Variants in NELL1 observed in about 807,000 individuals in gnomAD.
NELL1 encodes protein kinase C-binding protein NELL1.
In NELL1, 76 loss-of-function variants were observed where a neutral mutation model predicts 107.4. The ratio of observed to expected loss-of-function variants is 0.71; its 90% CI spans 0.59 to 0.86. The LOEUF (loss-of-function observed/expected upper bound fraction) is 0.86. NELL1 is among the 40% of genes least tolerant of loss of function. NELL1 has a pLI of 0.00. For synonymous variants in NELL1, 353 were observed against 341.2 expected (o/e 1.03, Z -0.38); for missense variants, 1,024 against 1,005.5 (o/e 1.02, Z -0.25).
intron 14 of NELL1, among the ~76,000 whole-genome samples, chr11:21,235,229 T>C (rs1201430172): frequency 6.6e-6 from 1 of 152,122 alleles, no homozygotes; most frequent in African/African-American, 2.4e-5. Context: ...ATGGTTTGGC[T>C]CAATTAGGGC....
chr11:21,549,529 T>G (rs1163467840), intron 16 of NELL1, among the ~76,000 whole-genome samples: 1 of 151,842 alleles, frequency 6.6e-6, no homozygotes, highest in Non-Finnish European at 1.5e-5. Context: ...GCTGTCATAT[T>G]CCCAATTCCT....
chr11:21,539,952 G>A (rs1315965938), intron 16 of NELL1, among the ~76,000 whole-genome samples: 2 of 151,918 alleles, frequency 1.3e-5, no homozygotes, highest in African/African-American at 2.4e-5. Context: ...AAAAATGCCT[G>A]TGACGGGACA....
chr11:21,442,173 T>G (rs1192062187), intron 15 of NELL1, among the ~76,000 whole-genome samples: 1 of 152,218 alleles, frequency 6.6e-6, no homozygotes, highest in African/African-American at 2.4e-5. Context: ...TTAATGCCTA[T>G]TCATTTCTCA....
At chr11:21,114,380 A>G (rs559195798) in intron 13 of NELL1, among the ~76,000 whole-genome samples, 6 of 152,056 alleles carry the variant, frequency 3.9e-5, no homozygotes, top group Admixed American at 2.6e-4. Flanking sequence ...CTTCTCTTGG[A>G]CCAAATGTGT....
intron 15 of NELL1, among the ~76,000 whole-genome samples, chr11:21,491,872 AT>A (rs1854827644): frequency 6.6e-6 from 1 of 151,854 alleles, no homozygotes; most frequent in Non-Finnish European, 1.5e-5. Context: ...CTTTTATTTC[AT>A]TGAGCAGTGG....
chr11:20,815,733 C>T lies in NELL1; in HGVS notation c.336-31850C>T, dbSNP rs117949396. ...TTAGCCATAAATTCTTTGCCAAAGT[C>T]GATGTCCAGAATGGTATTTCCTAGA... On this transcript the variant is annotated intron_variant, in intron 3 of 19. Coordinates refer to ENST00000357134, the MANE Select transcript of NELL1 (RefSeq NM_006157.5). Among the ~76,000 whole-genome samples the T allele has an allele frequency of 7.9e-5, 12 of 152,194 alleles. No individual in the cohort carries two copies. In the East Asian group the frequency reaches 1.9e-3, roughly 24 times the overall value.
At chr11:20,783,173 G>A (rs1029365920) in intron 2 of NELL1, among the ~76,000 whole-genome samples, 1 of 152,218 alleles carries the variant, frequency 6.6e-6, no homozygotes, top group African/African-American at 2.4e-5. Flanking sequence ...TATATCCATT[G>A]TGGGGAGAAG....
At chr11:21,277,600 G>T (rs573578505) in intron 14 of NELL1, among the ~76,000 whole-genome samples, 17 of 152,308 alleles carry the variant, frequency 1.1e-4, no homozygotes, top group South Asian at 2.1e-4. Context: ...ACATGCACAT[G>T]TATGTTTATT....
At chr11:20,994,531 T>C (rs965274016) in intron 12 of NELL1, among the ~76,000 whole-genome samples, 3 of 151,878 alleles carry the variant, frequency 2.0e-5, no homozygotes, top group South Asian at 4.2e-4. Context: ...AACAAATAAA[T>C]TGCTAATGAA....
At chr11:20,956,384 C>T (rs1198153292) in intron 11 of NELL1, among the ~76,000 whole-genome samples, 3 of 151,310 alleles carry the variant, frequency 2.0e-5, no homozygotes, top group East Asian at 2.0e-4. Context: ...CGGTGGCTCA[C>T]GCCTCTAATC....
intron 14 of NELL1, among the ~76,000 whole-genome samples, chr11:21,311,328 T>C (rs926498057): frequency 1.3e-4 from 20 of 152,148 alleles, no homozygotes; most frequent in Non-Finnish European, 2.6e-4. Context: ...ATAGGTAGGT[T>C]TAATTACCTT....
chr11:21,452,580 T>C (rs1457289719), intron 15 of NELL1, among the ~76,000 whole-genome samples: 1 of 152,100 alleles, frequency 6.6e-6, no homozygotes, highest in Admixed American at 6.5e-5. Flanking sequence ...TCTAGAAGTT[T>C]ATTAATTTTA....
chr11:20,950,640 G>C (rs1851051377), intron 11 of NELL1, among the ~76,000 whole-genome samples: 1 of 152,164 alleles, frequency 6.6e-6, no homozygotes, highest in Non-Finnish European at 1.5e-5. Flanking sequence ...GAAACAGAAA[G>C]TAATGAAAAG....
chr11:20,722,053 C>G (rs1855404006), intron 2 of NELL1, among the ~76,000 whole-genome samples: 1 of 148,416 alleles, frequency 6.7e-6, no homozygotes, highest in South Asian at 2.1e-4. Flanking sequence ...CAAAGTCTTG[C>G]TCCATCACCC....
intron 15 of NELL1, among the ~76,000 whole-genome samples, chr11:21,422,447 A>C (rs1479329802): frequency 1.3e-5 from 2 of 152,174 alleles, no homozygotes; most frequent in Non-Finnish European, 2.9e-5. Flanking sequence ...GGTTTTAGAC[A>C]TAATACATAA....
intron 13 of NELL1, among the ~76,000 whole-genome samples, chr11:21,167,628 T>C (rs560184962): frequency 6.6e-6 from 1 of 152,040 alleles, no homozygotes; most frequent in East Asian, 1.9e-4. Flanking sequence ...CACTCAAGAA[T>C]ACCAGGTGTC....
chr11:21,309,341 T>C (rs1849698483), intron 14 of NELL1, among the ~76,000 whole-genome samples: 1 of 144,746 alleles, frequency 6.9e-6, no homozygotes, highest in South Asian at 2.2e-4. Context: ...TGAATATGAA[T>C]AAACTTTCTA....
At chr11:20,941,984 T>G (rs374145903) in intron 10 of NELL1, among the ~76,000 whole-genome samples, 3 of 152,208 alleles carry the variant, frequency 2.0e-5, no homozygotes, top group East Asian at 1.9e-4. Context: ...CAGAAATCAC[T>G]GTGTCTCAGA....
intron 2 of NELL1, among the ~76,000 whole-genome samples, chr11:20,746,469 C>T (rs1255169390): frequency 1.3e-5 from 2 of 152,094 alleles, no homozygotes; most frequent in African/African-American, 4.8e-5. Context: ...ATATTGTCCT[C>T]CCTTCACATA....
Sources: gnomAD v4.1 joint callset for allele counts (sites outside exome capture counted in the v4.1 genomes callset) on GRCh38, gnomAD v4.1.1 for gene constraint, MANE v1.5 for transcripts, NCBI Gene and HGNC (gene_info 2026-07-23, HGNC 2026-07-21) for gene names.